RORA: variants seen among roughly 807,000 people sequenced by gnomAD.
RORA encodes the protein RAR related orphan receptor A, also known as nuclear receptor ROR-alpha.
RORA carries 7 observed loss-of-function variants against 69.5 expected under a neutral mutation model. The ratio of observed to expected loss-of-function variants is 0.10; its 90% CI spans 0.06 to 0.19. RORA has a LOEUF of 0.19. Ranked by LOEUF, RORA falls within the 10% of genes least tolerant of loss-of-function variation. The pLI is 1.00. For missense variants in RORA, 457 were observed against 663.0 expected (o/e 0.69, Z 3.41); for synonymous variants, 261 against 240.8 (o/e 1.08, Z -0.78).
chr15:60,499,656 A>G (rs2065269424), intron 10 of RORA, among the ~76,000 whole-genome samples: 1 of 152,220 alleles, frequency 6.6e-6, no homozygotes, highest in Non-Finnish European at 1.5e-5. Context: ...TTTTTCCTAC[A>G]TTGCCTTATT....
chr15:61,047,001 G>C (rs138248954), intron 1 of RORA, among the ~76,000 whole-genome samples: 1 of 152,210 alleles, frequency 6.6e-6, no homozygotes, highest in Non-Finnish European at 1.5e-5. Context: ...GTTCTCAACC[G>C]CTGAGGCAGC....
intron 1 of RORA, among the ~76,000 whole-genome samples, chr15:61,134,813 G>A (rs1026753877): frequency 3.3e-5 from 5 of 152,014 alleles, no homozygotes; most frequent in African/African-American, 7.3e-5. Flanking sequence ...CCTTTGGAAG[G>A]GTGGGCAGTT....
chr15:61,077,919 G>A (rs1485542631), intron 1 of RORA, among the ~76,000 whole-genome samples: 1 of 152,086 alleles, frequency 6.6e-6, no homozygotes, highest in Non-Finnish European at 1.5e-5. Context: ...TAGGGTGAAG[G>A]CCCACCACTT....
intron 1 of RORA, among the ~76,000 whole-genome samples, chr15:60,737,643 T>C (rs889327155): frequency 5.3e-5 from 8 of 152,264 alleles, no homozygotes; most frequent in African/African-American, 1.9e-4. Flanking sequence ...CATGTGTATA[T>C]ATCAGTTGTC....
intron 1 of RORA, among the ~76,000 whole-genome samples, chr15:61,190,377 T>A (rs2079786134): frequency 6.6e-6 from 1 of 152,236 alleles, no homozygotes; most frequent in Non-Finnish European, 1.5e-5. Context: ...ACTAAAGTGA[T>A]ATATGTCCTG....
chr15:60,948,439 T>A (rs1277389694), intron 1 of RORA, among the ~76,000 whole-genome samples: 2 of 152,212 alleles, frequency 1.3e-5, no homozygotes, highest in Admixed American at 1.3e-4. Context: ...ATACTCTCCA[T>A]GGTTCATTTC....
intron 3 of RORA, among the ~76,000 whole-genome samples, chr15:60,516,087 A>ATTTATATATATT (rs2065907542): frequency 1.5e-5 from 1 of 64,602 alleles, no homozygotes; most frequent in Admixed American, 2.8e-4. Flanking sequence ...TTATTTATAT[A>ATTTATATATATT]TATTTATATA....
At chr15:60,657,929 G>C (rs937107856) in intron 2 of RORA, among the ~76,000 whole-genome samples, 7 of 152,108 alleles carry the variant, frequency 4.6e-5, no homozygotes, top group African/African-American at 1.7e-4. Context: ...CCAGTGAGGG[G>C]TGGGGATTCC....
At chr15:60,955,192 C>T (rs183063227) in intron 1 of RORA, among the ~76,000 whole-genome samples, 36 of 152,160 alleles carry the variant, frequency 2.4e-4, no homozygotes, top group Non-Finnish European at 4.4e-4. Flanking sequence ...ATCCCAGCTA[C>T]TGGGGAGGCT....
At chr15:60,733,403 G>T (rs185483401) in intron 1 of RORA, among the ~76,000 whole-genome samples, 2 of 152,284 alleles carry the variant, frequency 1.3e-5, no homozygotes, top group African/African-American at 2.4e-5. Flanking sequence ...CAGTTTTTGC[G>T]TGGGCTGAGG....
intron 2 of RORA, among the ~76,000 whole-genome samples, chr15:60,533,306 T>C (rs1250198779): frequency 2.0e-5 from 3 of 152,196 alleles, no homozygotes; most frequent in African/African-American, 4.8e-5. Context: ...ACATCCAGTG[T>C]ATTTTCTATA....
chr15:60,616,300 G>A (rs997292055), intron 2 of RORA, among the ~76,000 whole-genome samples: 19 of 152,110 alleles, frequency 1.2e-4, no homozygotes, highest in African/African-American at 3.6e-4. Context: ...GCTATGACGC[G>A]TCTTCAGTGT....
chr15:61,074,287 A>C (rs1474307431), intron 1 of RORA, among the ~76,000 whole-genome samples: 1 of 152,204 alleles, frequency 6.6e-6, no homozygotes, highest in African/African-American at 2.4e-5. Flanking sequence ...GATCAAAGGA[A>C]AATAAGACTG....
intron 1 of RORA, among the ~76,000 whole-genome samples, chr15:60,736,077 C>T (rs1008773979): frequency 6.6e-6 from 1 of 152,158 alleles, no homozygotes; most frequent in East Asian, 1.9e-4. Context: ...CTTCAGAAGC[C>T]AGGACTGAGT....
chr15:61,113,670 TACACACACACATGC>T, intron 1 of RORA, among the ~76,000 whole-genome samples: 1 of 152,286 alleles, frequency 6.6e-6, no homozygotes, highest in Admixed American at 6.5e-5. Context: ...TTTAAAATTC[TACACACACACATGC>T]ACACACACAC....
chr15:60,612,641 ATCTCTC>A (rs1165309783), intron 2 of RORA, among the ~76,000 whole-genome samples: 1 of 143,664 alleles, frequency 7.0e-6, no homozygotes, highest in African/African-American at 2.6e-5. Context: ...ACCTAGAAGA[ATCTCTC>A]TCTCTCTCTC....
In RORA at chr15:61,152,322, A is replaced by C. The variant is rs184234555; in HGVS notation, c.166+76731T>G. On this transcript the variant is annotated intron_variant, in intron 1 of 10. Coordinates refer to ENST00000335670, the MANE Select transcript of RORA (RefSeq NM_134261.3). ...GCTACTAGAAGGAAGTGGAATAAGC[A>C]AGCAGTCCCGAGGAATATGAAAAAA... Among the ~76,000 whole-genome samples the C allele has an allele frequency of 2.1e-4, 32 of 152,262 alleles. No individual in the cohort carries two copies. In the East Asian group the frequency reaches 3.5e-3, roughly 17 times the overall value.
At chr15:61,067,076 A>G (rs2078272236) in intron 1 of RORA, among the ~76,000 whole-genome samples, 1 of 150,258 alleles carries the variant, frequency 6.7e-6, no homozygotes, top group South Asian at 2.1e-4. Flanking sequence ...TTATTGACAT[A>G]TTATCTATGT....
In RORA at chr15:60,637,450, A is replaced by G. The variant is rs138443165; in HGVS notation, c.196+41207T>C. Among the ~76,000 whole-genome samples, 254 of 152,118 alleles carry G rather than the reference A, an allele frequency of 1.7e-3. 1 individual carries two copies. The highest frequency in any genetic ancestry group is 2.2e-3 in the Non-Finnish European group (149 of 67,938). ...AAATTTTATTTTTCTCTATATTTCA[A>G]TGTATTGAACTTTGTATTCTGTAAT... On this transcript the variant is annotated intron_variant, in intron 2 of 10. Transcript: ENST00000335670.
Sources: gnomAD v4.1 joint callset for allele counts (sites outside exome capture counted in the v4.1 genomes callset) on GRCh38, gnomAD v4.1.1 for gene constraint, MANE v1.5 for transcripts, NCBI Gene and HGNC (gene_info 2026-07-23, HGNC 2026-07-21) for gene names.